The following SLC36A2 variants were observed in gnomAD, a reference collection of about 807,000 sequenced individuals.
SLC36A2 encodes solute carrier family 36 member 2.
A neutral mutation model predicts 42.7 loss-of-function variants in SLC36A2; 39 were observed. The observed-to-expected ratio is 0.91, with a 90% confidence interval of 0.71 to 1.19. The LOEUF (loss-of-function observed/expected upper bound fraction) is 1.19, where lower values mean the gene tolerates loss of function less well. Ranked by LOEUF, SLC36A2 falls within the 50% of genes most tolerant of loss-of-function variation. The probability of loss-of-function intolerance (pLI) is 0.00; values close to 1 mark genes in which losing one functional copy is unlikely to be tolerated. For missense variants in SLC36A2, 590 were observed against 613.7 expected (o/e 0.96, Z 0.41); for synonymous variants, 237 against 240.8 (o/e 0.98, Z 0.15).
At chr5:151,341,201 A>G (rs1013228761) in intron 4 of SLC36A2, among the ~76,000 whole-genome samples, 19 of 152,180 alleles carry the variant, frequency 1.2e-4, no homozygotes, top group Non-Finnish European at 4.4e-5. Flanking sequence ...GGAGCAGGGA[A>G]ATCTTCTTTA....
intron 1 of SLC36A2, among the ~76,000 whole-genome samples, chr5:151,345,177 G>C (rs1756459047): frequency 6.6e-6 from 1 of 152,198 alleles, no homozygotes; most frequent in African/African-American, 2.4e-5. Context: ...ACCTGTACCA[G>C]GTTAAGTCAA....
rs142219171 is a variant in SLC36A2, at chr5:151,336,685, C to T, written c.526-1138G>A. 3.0e-3 allele frequency among the ~76,000 whole-genome samples: 450 copies of T among 151,368 alleles called. 4 individuals carry two copies. The highest frequency in any genetic ancestry group is 0.01 in the African/African-American group (417 of 41,162). On this transcript the variant is annotated intron_variant, in intron 5 of 9. Transcript: ENST00000335244. ...CCAATCATTGTGATAAACAAGAAAC[C>T]GTCCCCCACCCCCCCACACATTATG...
At chr5:151,345,061 G>C (rs76980772) in intron 1 of SLC36A2, among the ~76,000 whole-genome samples, 2 of 152,128 alleles carry the variant, frequency 1.3e-5, no homozygotes, top group Admixed American at 1.3e-4. Context: ...AGACAAATGC[G>C]AAGGTTTGCC....
chr5:151,321,605 TA>T (rs1298603841), intron 9 of SLC36A2, among the ~76,000 whole-genome samples: 4 of 152,144 alleles, frequency 2.6e-5, no homozygotes, highest in Non-Finnish European at 5.9e-5. Context: ...TGTAAAGCTT[TA>T]AAATGGTCCC....
chr5:151,318,452 AT>A (rs1561649030), intron 9 of SLC36A2, among the ~76,000 whole-genome samples: 59 of 145,838 alleles, frequency 4.0e-4, no homozygotes, highest in African/African-American at 1.4e-3. Context: ...CAAATTTATT[AT>A]TTATTTTATA....
At chr5:151,331,121 A>T (rs146417710) in intron 7 of SLC36A2, among the ~76,000 whole-genome samples, 10 of 152,328 alleles carry the variant, frequency 6.6e-5, no homozygotes, top group South Asian at 2.1e-4. Context: ...TTGTGCTGGG[A>T]TAACTGGATA....
intron 7 of SLC36A2, chr5:151,332,429 G>A (rs769640292): frequency 8.8e-6 from 4 of 455,800 alleles, no homozygotes; most frequent in African/African-American, 2.0e-5. Context: ...AAATGCTTAC[G>A]GCAGTATCAT....
chr5:151,338,725 C>A, intron 5 of SLC36A2: 1 of 232,390 alleles, frequency 4.3e-6, no homozygotes, highest in Non-Finnish European at 8.6e-6. Flanking sequence ...GACTAGGAAT[C>A]ATCAAAAGAA....
In SLC36A2 at chr5:151,333,276, G is replaced by C. The variant is rs139170229; in HGVS notation, c.791C>G (p.Thr264Ser). The C allele has an allele frequency of 4.9e-5, 79 of 1,614,108 alleles. No homozygotes were observed. In the African/African-American group the frequency reaches 9.9e-4, roughly 20 times the overall value. ...SRLPLVASWK[T>S]YPLFFGTAIF... ...GGCTGTTCCGAAGAAGAGAGGGTAGGTCTTCCAGCTTGCTACCAGTGGCAA... is the reference window on the plus strand; with the variant it reads ...GGCTGTTCCGAAGAAGAGAGGGTAGCTCTTCCAGCTTGCTACCAGTGGCAA... The change falls in exon 7 of 10, where the codon ACC (threonine) becomes AGC (serine). Residue 264 changes from threonine to serine, a missense_variant. Coordinates refer to ENST00000335244, the MANE Select transcript of SLC36A2 (RefSeq NM_181776.3).
intron 8 of SLC36A2, among the ~76,000 whole-genome samples, chr5:151,324,173 G>C (rs558469783): frequency 6.6e-6 from 1 of 152,204 alleles, no homozygotes; most frequent in South Asian, 2.1e-4. Flanking sequence ...TTGAGACAGA[G>C]TCTCTGCCGC....
chr5:151,330,651 C>T (rs1450766037), intron 7 of SLC36A2, among the ~76,000 whole-genome samples: 1 of 152,120 alleles, frequency 6.6e-6, no homozygotes, highest in East Asian at 1.9e-4. Flanking sequence ...ATATAATAGC[C>T]TATTTTTTCC....
chr5:151,318,404 T>C (rs973504301), intron 9 of SLC36A2, among the ~76,000 whole-genome samples: 1 of 147,064 alleles, frequency 6.8e-6, no homozygotes, highest in Non-Finnish European at 1.5e-5. Context: ...AGCATTTTAA[T>C]AAATAAAAAA....
rs1756018192 is a variant in SLC36A2, at chr5:151,332,204, AAAG to A, written c.843+1017_843+1019del. 2.0e-5 allele frequency among the ~76,000 whole-genome samples: 3 copies of A among 152,184 alleles called. No individual in the cohort carries two copies. In the East Asian group the frequency reaches 5.8e-4, roughly 29 times the overall value. ...TAAGAGGAAAAAATTTAAAAGGAAA[AAAG>A]AAGAGGAGAAGACAAGAATAAGAAA... On this transcript the variant is annotated intron_variant, in intron 7 of 9. Coordinates refer to ENST00000335244, the MANE Select transcript of SLC36A2 (RefSeq NM_181776.3).
chr5:151,346,042 C>T (rs920541289), intron 1 of SLC36A2, among the ~76,000 whole-genome samples: 1 of 152,244 alleles, frequency 6.6e-6, no homozygotes, highest in Non-Finnish European at 1.5e-5. Context: ...CACGCTTACT[C>T]AGCCCGTTAT....
At chr5:151,323,795 A>G (rs928020173) in intron 8 of SLC36A2, among the ~76,000 whole-genome samples, 2 of 152,204 alleles carry the variant, frequency 1.3e-5, no homozygotes, top group Non-Finnish European at 2.9e-5. Context: ...GCCGGCGAAG[A>G]TAGTGAACCT....
rs189233590 is a variant in SLC36A2 at position 151,336,289 on chromosome 5, G to A, written c.526-742C>T. ...ACCTAAAGCATAGGGACCTAAGGAC[G>A]GACTAGAAAAGGGTAAAGATTAATT... On this transcript the variant is annotated intron_variant, in intron 5 of 9. Coordinates refer to ENST00000335244, the MANE Select transcript of SLC36A2 (RefSeq NM_181776.3). Among the ~76,000 whole-genome samples, 21 of 152,194 alleles carry A rather than the reference G, an allele frequency of 1.4e-4. 1 individual carries two copies. The East Asian group carries it at 1.9e-3, about 14-fold the overall frequency.
Position 151,320,129 on chromosome 5 carries a change from ATT to A in SLC36A2, c.1180+1915_1180+1916del, listed in dbSNP as rs11332796. ...TTCTTTGAAGAAGAAAGAGATTAATATTTTTTTTTTCCCTGTAGTGCTTTCTT... is the reference window on the plus strand; with the variant it reads ...TTCTTTGAAGAAGAAAGAGATTAATATTTTTTTTCCCTGTAGTGCTTTCTT... On this transcript the variant is annotated intron_variant, in intron 9 of 9. Coordinates refer to ENST00000335244, the MANE Select transcript of SLC36A2 (RefSeq NM_181776.3). 2.8e-4 allele frequency among the ~76,000 whole-genome samples: 42 copies of A among 151,234 alleles called. 1 individual carries two copies. In the East Asian group the frequency reaches 5.0e-3, roughly 18 times the overall value.
intron 7 of SLC36A2, among the ~76,000 whole-genome samples, chr5:151,329,335 T>G (rs960216224): frequency 6.6e-6 from 1 of 152,208 alleles, no homozygotes; most frequent in African/African-American, 2.4e-5. Flanking sequence ...GATGGTTTGC[T>G]AAAACCAAAA....
intron 6 of SLC36A2, among the ~76,000 whole-genome samples, chr5:151,334,552 G>A (rs373386935): frequency 6.6e-6 from 1 of 152,108 alleles, no homozygotes; most frequent in African/African-American, 2.4e-5. Context: ...TTAGCCGGGT[G>A]TGGTGGCTGG....
Sources: allele counts gnomAD v4.1 joint callset (sites outside exome capture counted in the v4.1 genomes callset), GRCh38; gene constraint gnomAD v4.1.1; transcripts MANE v1.5; gene names NCBI Gene and HGNC (gene_info 2026-07-23, HGNC 2026-07-21).